The following CCSER1 variants were observed in gnomAD, a reference collection of about 807,000 sequenced individuals.
CCSER1 encodes serine-rich coiled-coil domain-containing protein 1.
In CCSER1, 41 loss-of-function variants were observed where a neutral mutation model predicts 82.0. The observed-to-expected ratio is 0.50, with a 90% CI of 0.39 to 0.65. The LOEUF is 0.65. Among genes scored for constraint, CCSER1 ranks in the 30% least tolerant of loss-of-function variants. CCSER1 has a pLI of 0.00. For missense variants in CCSER1, 1,119 were observed against 1,064.2 expected (o/e 1.05, Z -0.72); for synonymous variants, 414 against 383.9 (o/e 1.08, Z -0.92).
chr4:91,359,160 CAG>C (rs1340666947), intron 10 of CCSER1, among the ~76,000 whole-genome samples: 2 of 149,688 alleles, frequency 1.3e-5, no homozygotes, highest in Admixed American at 1.3e-4. Context: ...TGGTATGTGA[CAG>C]GGGCTGCATG....
intron 3 of CCSER1, among the ~76,000 whole-genome samples, chr4:90,343,005 T>A (rs1187820123): frequency 5.3e-5 from 8 of 152,176 alleles, no homozygotes; most frequent in African/African-American, 1.9e-4. Context: ...TCTCTTCTTC[T>A]TCACTGCATT....
At chr4:90,981,126 A>C (rs1255671421) in intron 9 of CCSER1, among the ~76,000 whole-genome samples, 1 of 151,816 alleles carries the variant, frequency 6.6e-6, no homozygotes, top group African/African-American at 2.4e-5. Context: ...GCAGACCCTA[A>C]GCTGTGAGTT....
intron 4 of CCSER1, among the ~76,000 whole-genome samples, chr4:90,403,126 A>G (rs1053544461): frequency 1.3e-5 from 2 of 152,234 alleles, no homozygotes; most frequent in African/African-American, 4.8e-5. Flanking sequence ...ACACGTTTAT[A>G]TACTTTAGCT....
In CCSER1 at chr4:91,378,766, G is replaced by A. The variant is rs563387473; in HGVS notation, c.2218-219806G>A. ...ATTCTTTCTCCTGCCTTATTGCCCT[G>A]GCCAGAACTTCCAACCCTATGTTGA... On this transcript the variant is annotated intron_variant, in intron 10 of 10. Transcript: ENST00000509176. 3.5e-4 allele frequency among the ~76,000 whole-genome samples: 54 copies of A among 152,176 alleles called. No homozygotes were observed. The South Asian group carries it at 5.8e-3, about 16-fold the overall frequency.
intron 5 of CCSER1, among the ~76,000 whole-genome samples, chr4:90,580,604 A>G (rs1446330758): frequency 6.6e-6 from 1 of 152,220 alleles, no homozygotes; most frequent in Non-Finnish European, 1.5e-5. Context: ...CCAAGGGCTC[A>G]GAGCTCATTT....
chr4:91,005,668 A>T (rs2150488185), intron 9 of CCSER1, among the ~76,000 whole-genome samples: 1 of 152,266 alleles, frequency 6.6e-6, no homozygotes, highest in East Asian at 1.9e-4. Context: ...CATAACTGAA[A>T]CTCTATAGCC....
intron 10 of CCSER1, among the ~76,000 whole-genome samples, chr4:91,487,748 G>A (rs74426515): frequency 0.012 from 1,872 of 151,606 alleles, 16 homozygotes; most frequent in African/African-American, 0.026. Flanking sequence ...TTTGGTATCT[G>A]GTACAGTATA....
intron 10 of CCSER1, among the ~76,000 whole-genome samples, chr4:91,136,651 T>C (rs1446581472): frequency 6.6e-6 from 1 of 152,168 alleles, no homozygotes; most frequent in Non-Finnish European, 1.5e-5. Flanking sequence ...ATAAGATGTA[T>C]GTAGAAAAAA....
chr4:90,234,737 CTG>C (rs986045227), intron 1 of CCSER1, among the ~76,000 whole-genome samples: 9 of 152,068 alleles, frequency 5.9e-5, no homozygotes, highest in Non-Finnish European at 1.2e-4. Flanking sequence ...TAGATGGGGA[CTG>C]TTATTATTTC....
chr4:91,382,841 C>T (rs977697228), intron 10 of CCSER1, among the ~76,000 whole-genome samples: 2 of 152,104 alleles, frequency 1.3e-5, no homozygotes, highest in South Asian at 2.1e-4. Context: ...ATTTGGCCGT[C>T]TTGGAATTGC....
At chr4:90,589,187 T>C (rs537258144) in intron 5 of CCSER1, among the ~76,000 whole-genome samples, 2 of 152,202 alleles carry the variant, frequency 1.3e-5, no homozygotes, top group Non-Finnish European at 2.9e-5. Context: ...AGGAAAGCAT[T>C]TATTAAAATT....
intron 3 of CCSER1, among the ~76,000 whole-genome samples, chr4:90,381,010 G>A (rs1210427364): frequency 6.6e-6 from 1 of 152,232 alleles, no homozygotes; most frequent in Non-Finnish European, 1.5e-5. Flanking sequence ...GTTGGGCACT[G>A]ATGGCACCCA....
At chr4:90,186,198 C>T (rs1446735569) in intron 1 of CCSER1, among the ~76,000 whole-genome samples, 1 of 151,936 alleles carries the variant, frequency 6.6e-6, no homozygotes, top group Non-Finnish European at 1.5e-5. Flanking sequence ...GAGACTTGCT[C>T]TAGGTCCCAG....
chr4:90,322,327 C>T (rs902323292), intron 3 of CCSER1, among the ~76,000 whole-genome samples: 47 of 152,054 alleles, frequency 3.1e-4, no homozygotes, highest in African/African-American at 1.1e-3. Flanking sequence ...TACTCTGTTC[C>T]ATTGGTCTGC....
rs543544416 is a variant in CCSER1, at chr4:90,600,854, A to G, written c.1725-27171A>G. The stretch of plus-strand genomic sequence containing the variant: ...TAGTCTTAGTGTCCATGAACATAAT[A>G]TATCTGTTTAGGTCTTTATATAAGC... On this transcript the variant is annotated intron_variant, in intron 5 of 10. Coordinates refer to ENST00000509176, the MANE Select transcript of CCSER1 (RefSeq NM_001145065.2). Among the ~76,000 whole-genome samples, 6 of 152,114 alleles carry G rather than the reference A, an allele frequency of 3.9e-5. No homozygotes were observed. The South Asian group carries it at 6.2e-4, about 16-fold the overall frequency.
At chr4:91,390,221 G>T (rs1751565047) in intron 10 of CCSER1, among the ~76,000 whole-genome samples, 1 of 151,752 alleles carries the variant, frequency 6.6e-6, no homozygotes, top group Non-Finnish European at 1.5e-5. Context: ...TTTTTGATAA[G>T]AGTTTTTTTT....
intron 7 of CCSER1, among the ~76,000 whole-genome samples, chr4:90,753,769 A>T (rs1426350029): frequency 6.6e-6 from 1 of 152,136 alleles, no homozygotes; most frequent in Non-Finnish European, 1.5e-5. Flanking sequence ...TTAAAGTGAA[A>T]CTGCTTTCTA....
At chr4:90,902,681 A>T (rs2150155357) in intron 8 of CCSER1, among the ~76,000 whole-genome samples, 1 of 152,172 alleles carries the variant, frequency 6.6e-6, no homozygotes, top group East Asian at 1.9e-4. Context: ...AGGACTCAGG[A>T]AGCTTATTTT....
intron 10 of CCSER1, among the ~76,000 whole-genome samples, chr4:91,474,218 A>G (rs1383016937): frequency 3.3e-5 from 5 of 152,012 alleles, no homozygotes; most frequent in Admixed American, 2.6e-4. Flanking sequence ...AAACCTTTGT[A>G]TGTAACATAA....
Sources: gnomAD v4.1 joint callset for allele counts (sites outside exome capture counted in the v4.1 genomes callset) on GRCh38, gnomAD v4.1.1 for gene constraint, MANE v1.5 for transcripts, NCBI Gene and HGNC (gene_info 2026-07-23, HGNC 2026-07-21) for gene names.